Variants in RBFOX2 observed in about 807,000 individuals in gnomAD.
RBFOX2 encodes RNA binding protein fox-1 homolog 2.
In RBFOX2, 10 loss-of-function variants were observed where a neutral mutation model predicts 49.1. The ratio of observed to expected loss-of-function variants is 0.20; its 90% confidence interval spans 0.13 to 0.35. The LOEUF is 0.35. Ranked by LOEUF, RBFOX2 falls within the 10% of genes least tolerant of loss-of-function variation. RBFOX2 has a pLI of 1.00. For missense variants in RBFOX2, 323 were observed against 486.9 expected, an observed-to-expected ratio of 0.66 and a Z score of 3.17; for synonymous variants, 183 against 187.4, an observed-to-expected ratio of 0.98 and a Z score of 0.19.
intron 1 of RBFOX2, among the ~76,000 whole-genome samples, chr22:36,022,338 A>C (rs2059275755): frequency 6.6e-6 from 1 of 152,204 alleles, no homozygotes; most frequent in South Asian, 2.1e-4. Context: ...TTAAATTTCT[A>C]GTTAGCTTCT....
At chr22:35,974,474 G>T (rs1037618403) in intron 1 of RBFOX2, among the ~76,000 whole-genome samples, 10 of 152,138 alleles carry the variant, frequency 6.6e-5, no homozygotes, top group African/African-American at 2.4e-4. Flanking sequence ...AGATCACGAG[G>T]TCAGGAGTTG....
chr22:35,833,324 C>T (rs1036169779), intron 1 of RBFOX2, among the ~76,000 whole-genome samples: 1 of 152,174 alleles, frequency 6.6e-6, no homozygotes, highest in Non-Finnish European at 1.5e-5. Flanking sequence ...CATGAAACCA[C>T]TCAATGCAAC....
At chr22:35,748,641 A>G (rs1933707780) in intron 9 of RBFOX2, 1 of 152,188 alleles carries the variant, frequency 6.6e-6, no homozygotes, top group Non-Finnish European at 1.5e-5. Context: ...ATTTAGTAAA[A>G]CTTCTTTGCA....
At chr22:35,933,926 T>TTACA (rs1556421197) in intron 1 of RBFOX2, among the ~76,000 whole-genome samples, 9 of 118,020 alleles carry the variant, frequency 7.6e-5, no homozygotes, top group Admixed American at 7.4e-4. Context: ...TAATTAAATG[T>TTACA]TATATATATA....
At chr22:35,893,063 GA>G (rs1216559750) in intron 1 of RBFOX2, among the ~76,000 whole-genome samples, 1 of 152,228 alleles carries the variant, frequency 6.6e-6, no homozygotes, top group African/African-American at 2.4e-5. Context: ...AATAATAAAA[GA>G]GATAGAGCTG....
intron 1 of RBFOX2, among the ~76,000 whole-genome samples, chr22:35,948,562 G>C (rs1603452431): frequency 6.6e-6 from 1 of 152,158 alleles, no homozygotes; most frequent in Middle Eastern, 3.4e-3. Flanking sequence ...GTGCACACCT[G>C]TGGTCCCAGC....
intron 1 of RBFOX2, among the ~76,000 whole-genome samples, chr22:35,858,454 T>C (rs2042744099): frequency 1.3e-5 from 2 of 152,234 alleles, no homozygotes; most frequent in African/African-American, 4.8e-5. Context: ...TATTTGTTTT[T>C]AGACATACTT....
At chr22:35,963,314 A>G (rs1347519351), upstream of RBFOX2, among the ~76,000 whole-genome samples, 3 of 152,174 alleles carry the variant, frequency 2.0e-5, no homozygotes, top group African/African-American at 7.2e-5. Flanking sequence ...TGATTAGCCC[A>G]TCTCTGAGAT....
chr22:36,021,862 T>C (rs1028514043), intron 1 of RBFOX2, among the ~76,000 whole-genome samples: 3 of 152,212 alleles, frequency 2.0e-5, no homozygotes, highest in Non-Finnish European at 2.9e-5. Flanking sequence ...ATGGATTAGA[T>C]AATGAAACCT....
chr22:35,913,161 T>C (rs1315201325), intron 1 of RBFOX2, among the ~76,000 whole-genome samples: 3 of 152,068 alleles, frequency 2.0e-5, no homozygotes, highest in African/African-American at 7.2e-5. Context: ...TTTAAAAAGC[T>C]ATTTTCTCTG....
At chr22:35,787,543 C>T (rs1479386270) in intron 2 of RBFOX2, among the ~76,000 whole-genome samples, 5 of 152,126 alleles carry the variant, frequency 3.3e-5, no homozygotes, top group African/African-American at 1.2e-4. Flanking sequence ...ACTATATTAA[C>T]GTACTTAAAT....
intron 1 of RBFOX2, among the ~76,000 whole-genome samples, chr22:35,923,548 C>A (rs907637807): frequency 2.6e-5 from 4 of 152,060 alleles, no homozygotes; most frequent in Non-Finnish European, 5.9e-5. Flanking sequence ...ACTTCCAAAT[C>A]TTTTCTAGGA....
intron 1 of RBFOX2, among the ~76,000 whole-genome samples, chr22:35,827,925 G>A (rs1200705792): frequency 6.6e-6 from 1 of 152,192 alleles, no homozygotes; most frequent in African/African-American, 2.4e-5. Context: ...CCAGCACTTT[G>A]GGAGGCCGAG....
intron 1 of RBFOX2, among the ~76,000 whole-genome samples, chr22:35,858,159 A>T (rs910991894): frequency 3.3e-5 from 5 of 152,218 alleles, no homozygotes; most frequent in African/African-American, 1.2e-4. Context: ...CCTGCATATA[A>T]ATTTTAACAA....
At chr22:35,804,428 G>A (rs1051710332) in intron 2 of RBFOX2, among the ~76,000 whole-genome samples, 1 of 152,088 alleles carries the variant, frequency 6.6e-6, no homozygotes, top group African/African-American at 2.4e-5. Flanking sequence ...AAAACAAAGA[G>A]ATCCACTCCT....
intron 2 of RBFOX2, among the ~76,000 whole-genome samples, chr22:35,798,269 C>T (rs1949140500): frequency 6.6e-6 from 1 of 152,240 alleles, no homozygotes. Flanking sequence ...GCCACTGCAC[C>T]AGGCCTGTAC....
chr22:35,779,982 G>C (rs992679604), intron 3 of RBFOX2, among the ~76,000 whole-genome samples: 6 of 152,146 alleles, frequency 3.9e-5, no homozygotes, highest in Non-Finnish European at 8.8e-5. Flanking sequence ...CAGACCTCCA[G>C]AGACTAAGAT....
intron 1 of RBFOX2, among the ~76,000 whole-genome samples, chr22:35,880,828 AAGGG>A (rs1202845230): frequency 6.6e-6 from 1 of 150,894 alleles, no homozygotes; most frequent in African/African-American, 2.4e-5. Flanking sequence ...CCATGGAAGG[AAGGG>A]AGGGAGGGAG....
chr22:36,027,560 C>T (rs561634264), intron 1 of RBFOX2, among the ~76,000 whole-genome samples: 28 of 152,192 alleles, frequency 1.8e-4, no homozygotes, highest in African/African-American at 6.3e-4. Context: ...TATTTTGTGT[C>T]CTGGTGATGT....
Sources: allele counts gnomAD v4.1 joint callset (sites outside exome capture counted in the v4.1 genomes callset), GRCh38; gene constraint gnomAD v4.1.1; transcripts MANE v1.5; gene names NCBI Gene and HGNC (gene_info 2026-07-23, HGNC 2026-07-21).